Variants in AMN1 observed in about 807,000 individuals in gnomAD.
AMN1 encodes protein AMN1 homolog.
In AMN1, 20 loss-of-function variants were observed where a neutral mutation model predicts 33.0. The ratio of observed to expected loss-of-function variants is 0.61; its 90% CI spans 0.43 to 0.88. The LOEUF (loss-of-function observed/expected upper bound fraction) is 0.88. Among genes scored for constraint, AMN1 ranks in the 40% least tolerant of loss-of-function variants. The pLI, the probability that AMN1 is intolerant of heterozygous loss-of-function variation, is 0.00. For missense variants in AMN1, 246 were observed against 307.4 expected (o/e 0.80, Z 1.49); for synonymous variants, 114 against 111.9 (o/e 1.02, Z -0.12).
intron 1 of AMN1, among the ~76,000 whole-genome samples, chr12:31,711,321 TG>T (rs1363525311): frequency 1.3e-5 from 2 of 152,238 alleles, no homozygotes; most frequent in Non-Finnish European, 2.9e-5. Flanking sequence ...CCTTTTAACA[TG>T]TTTATTGTAT....
intron 5 of AMN1, among the ~76,000 whole-genome samples, chr12:31,695,918 G>A (rs1017656987): frequency 6.6e-6 from 1 of 152,076 alleles, no homozygotes. Flanking sequence ...ACGTGGCATT[G>A]TCATTCCATT....
chr12:31,709,216 C>A, intron 2 of AMN1, 77 bp downstream of exon 2: 3 of 1,503,834 alleles, frequency 2.0e-6, no homozygotes, highest in South Asian at 1.2e-5. Context: ...TTACCATATA[C>A]CATTGTTCCA....
chr12:31,697,107 A>T (rs1293916700), intron 5 of AMN1, among the ~76,000 whole-genome samples: 1 of 152,058 alleles, frequency 6.6e-6, no homozygotes, highest in Admixed American at 6.6e-5. Context: ...ATGATTCTTA[A>T]ATCTGTTAGA....
At chr12:31,699,875 G>A (rs185862848) in intron 3 of AMN1, among the ~76,000 whole-genome samples, 22 of 152,166 alleles carry the variant, frequency 1.4e-4, no homozygotes, top group Admixed American at 4.6e-4. Context: ...AAATTGTAGC[G>A]CACCCAGCTG....
At chr12:31,688,724 T>C (rs1179966059) in intron 6 of AMN1, among the ~76,000 whole-genome samples, 1 of 152,122 alleles carries the variant, frequency 6.6e-6, no homozygotes, top group Non-Finnish European at 1.5e-5. Flanking sequence ...GGCAGGAGAA[T>C]TGCTTTAACC....
chr12:31,712,242 T>C (rs1939495450), intron 1 of AMN1, among the ~76,000 whole-genome samples: 1 of 151,726 alleles, frequency 6.6e-6, no homozygotes, highest in Non-Finnish European at 1.5e-5. Context: ...TCATTATTAT[T>C]TTATTTTATT....
chr12:31,697,879 CCTT>C lies in AMN1; in HGVS notation c.392_394del (p.Glu131del), dbSNP rs1938804675. The C allele has an allele frequency of 6.2e-7, 1 of 1,613,980 alleles. No homozygotes were observed. Among genetic ancestry groups the C allele is most frequent in the Non-Finnish European group, 8.5e-7 (1 of 1,179,890 alleles). On this transcript the variant is annotated inframe_deletion, in exon 4 of 7. Coordinates refer to ENST00000281471, the MANE Select transcript of AMN1 (RefSeq NM_001113402.2). The stretch of plus-strand genomic sequence containing the variant: ...GCAATTGAGTGCAAGAGCAACGACT[CCTT>C]CGTCAGTGAGATTGCAGCATCTTTT...
intron 1 of AMN1, among the ~76,000 whole-genome samples, chr12:31,723,074 C>G: frequency 6.6e-6 from 1 of 152,092 alleles, no homozygotes; most frequent in Non-Finnish European, 1.5e-5. Context: ...AGGAGAATCA[C>G]TTGAACCTGG....
intron 3 of AMN1, among the ~76,000 whole-genome samples, chr12:31,699,460 CA>C (rs1332731585): frequency 3.5e-5 from 3 of 86,922 alleles, no homozygotes; most frequent in Non-Finnish European, 7.7e-5. Context: ...AAAAAACAAA[CA>C]AAAAACCTCT....
upstream of AMN1, chr12:31,729,138 G>T: frequency 2.8e-6 from 3 of 1,064,236 alleles, no homozygotes; most frequent in Non-Finnish European, 4.0e-6. Context: ...TCCGGTGACC[G>T]GGGCGTGGCC....
At chr12:31,674,053 C>G (rs1292537793) in intron 6 of AMN1, among the ~76,000 whole-genome samples, 1 of 151,710 alleles carries the variant, frequency 6.6e-6, no homozygotes, top group Non-Finnish European at 1.5e-5. Flanking sequence ...AATCTACTTC[C>G]TTTACTTTTC....
chr12:31,726,774 G>T (rs1940088567), intron 1 of AMN1, among the ~76,000 whole-genome samples: 1 of 152,138 alleles, frequency 6.6e-6, no homozygotes, highest in Non-Finnish European at 1.5e-5. Context: ...TACAAAATTA[G>T]GTTCTAAGGG....
chr12:31,681,353 T>C (rs1169156004), intron 6 of AMN1, among the ~76,000 whole-genome samples: 1 of 152,058 alleles, frequency 6.6e-6, no homozygotes. Flanking sequence ...CTTAGCCTCC[T>C]GAGTAGCTGG....
At chr12:31,716,811 G>A (rs559240811) in intron 1 of AMN1, among the ~76,000 whole-genome samples, 2 of 152,112 alleles carry the variant, frequency 1.3e-5, no homozygotes, top group Non-Finnish European at 2.9e-5. Context: ...TCTTAATCAT[G>A]TCTTTTGCTG....
chr12:31,725,074 T>C (rs1940011108), intron 1 of AMN1, among the ~76,000 whole-genome samples: 1 of 152,184 alleles, frequency 6.6e-6, no homozygotes, highest in African/African-American at 2.4e-5. Flanking sequence ...CCAGTTTAAG[T>C]GGGTGCTTCT....
chr12:31,711,310 T>G (rs10844000), intron 1 of AMN1, among the ~76,000 whole-genome samples: 30,166 of 152,122 alleles, frequency 0.2, 3,788 homozygotes, highest in Non-Finnish European at 0.29. Context: ...ATTGTATATT[T>G]CCTTTTAACA....
intron 2 of AMN1, among the ~76,000 whole-genome samples, chr12:31,705,304 C>T (rs931638030): frequency 1.3e-5 from 2 of 152,026 alleles, no homozygotes; most frequent in African/African-American, 4.8e-5. Context: ...TCAAGACCAG[C>T]CTGGGCAACA....
At chr12:31,725,714 G>A (rs1940035787) in intron 1 of AMN1, among the ~76,000 whole-genome samples, 2 of 151,948 alleles carry the variant, frequency 1.3e-5, no homozygotes, top group South Asian at 4.1e-4. Flanking sequence ...TATTTATTTA[G>A]AGATGGAGTC....
intron 2 of AMN1, 33 bp from the exon 3 acceptor site, chr12:31,702,040 TTC>T (rs761500478): frequency 1.5e-5 from 22 of 1,509,392 alleles, no homozygotes; most frequent in Admixed American, 2.2e-5. Flanking sequence ...AAAAAATTAT[TTC>T]TTTCTATAAA....
Sources: allele counts gnomAD v4.1 joint callset (sites outside exome capture counted in the v4.1 genomes callset), GRCh38; gene constraint gnomAD v4.1.1; transcripts MANE v1.5; gene names NCBI Gene and HGNC (gene_info 2026-07-23, HGNC 2026-07-21).